Variants in UBOX5 observed in about 807,000 individuals in gnomAD.
The protein encoded by UBOX5 is U-box domain containing 5.
UBOX5 carries 28 observed loss-of-function variants against 39.0 expected under a neutral mutation model. That is an observed-to-expected ratio of 0.72 (90% CI 0.53 to 0.98). The LOEUF (loss-of-function observed/expected upper bound fraction) is 0.98. Ranked by LOEUF, UBOX5 falls within the 50% of genes least tolerant of loss-of-function variation. UBOX5 has a pLI of 0.00. For missense variants in UBOX5, 585 were observed against 674.4 expected (o/e 0.87, Z 1.47); for synonymous variants, 283 against 275.5 (o/e 1.03, Z -0.27).
In UBOX5 at chr20:3,123,378, G is replaced by C. The variant is rs1379482119; in HGVS notation, c.-13C>G. On this transcript the variant is annotated 5_prime_UTR_variant, in exon 2 of 5. Coordinates refer to ENST00000217173, the MANE Select transcript of UBOX5 (RefSeq NM_014948.4). ...GATTTATTACCATCTTTGTGGCTGA[G>C]AGGATATCTTCCAAGCATCAGAAGC... 2 of 1,613,548 alleles carry C rather than the reference G, an allele frequency of 1.2e-6. No individual in the cohort carries two copies.
chr20:3,129,590 A>G (rs1368806650), intron 1 of UBOX5, among the ~76,000 whole-genome samples: 1 of 152,150 alleles, frequency 6.6e-6, no homozygotes, highest in African/African-American at 2.4e-5. Context: ...CAAGCTACTC[A>G]TTGGCACTGT....
Position 3,110,218 on chromosome 20 carries a change from C to T in UBOX5, c.1514G>A (p.Gly505Asp). ...KKEPVYQLPC[G>D]HLLCRPCLGE... ...CAGGCAGGGTCGGCACAGGAGGTGG[C>T]CGCAGGGCAGCTGGTACACCGGCTC... The change falls in exon 5 of 5, where the codon GGC (glycine) becomes GAC (aspartate). Residue 505 changes from glycine to aspartate, a missense_variant. Physicochemically the swap from Gly to Asp is moderately conservative, Grantham distance 94. Coordinates refer to ENST00000217173, the MANE Select transcript of UBOX5 (RefSeq NM_014948.4). 6.2e-7 allele frequency: 1 copy of T among 1,613,992 alleles called. No individual in the cohort carries two copies. The highest frequency in any genetic ancestry group is 8.5e-7 in the Non-Finnish European group (1 of 1,180,016).
chr20:3,115,265 C>T (rs1405796740), intron 4 of UBOX5, 40 bp downstream of exon 4: 2 of 1,574,010 alleles, frequency 1.3e-6, no homozygotes, highest in Non-Finnish European at 8.6e-7. Flanking sequence ...AACAGACCAC[C>T]CATTCCAAGG....
At chr20:3,138,997 G>A (rs1346272800) in intron 1 of UBOX5, among the ~76,000 whole-genome samples, 1 of 152,080 alleles carries the variant, frequency 6.6e-6, no homozygotes, top group Non-Finnish European at 1.5e-5. Flanking sequence ...AAAAGAAGAA[G>A]AAAAGATTAC....
At chr20:3,148,082 G>A in intron 1 of UBOX5, 1 of 1,614,130 alleles carries the variant, frequency 6.2e-7, no homozygotes, top group Non-Finnish European at 8.5e-7. Flanking sequence ...AGAGAGATTA[G>A]TACTTGATTT....
At chr20:3,152,426 T>C (rs1024827829) in intron 1 of UBOX5, among the ~76,000 whole-genome samples, 2 of 151,180 alleles carry the variant, frequency 1.3e-5, no homozygotes, top group African/African-American at 4.9e-5. Flanking sequence ...CACTTGAACC[T>C]GGGAGGCAGA....
At position 3,110,078 on chromosome 20, in the gene UBOX5, T is replaced by C. The variant is rs774564324; in HGVS notation, c.*28A>G. On this transcript the variant is annotated 3_prime_UTR_variant, in exon 5 of 5. Coordinates refer to ENST00000217173, the MANE Select transcript of UBOX5 (RefSeq NM_014948.4). ...GTTCCCCCTCAGCTCCTCCCAGCAA[T>C]GGGTCTCCTCCAGTGGAGGTCAGTC... 3 of 1,607,240 alleles carry C rather than the reference T, an allele frequency of 1.9e-6. No individual in the cohort carries two copies. The Admixed American group carries it at 5.0e-5, about 27-fold the overall frequency.
At chr20:3,145,440 CCTTTT>C (rs1212477794) in intron 1 of UBOX5, among the ~76,000 whole-genome samples, 7 of 142,396 alleles carry the variant, frequency 4.9e-5, no homozygotes, top group South Asian at 2.2e-4. Context: ...GCCTTTTTTT[CCTTTT>C]TTTTTTTTTT....
Position 3,130,130 on chromosome 20 carries a change from G to A in UBOX5, c.-41-6724C>T, listed in dbSNP as rs116059302. Among the ~76,000 whole-genome samples, 300 of 152,036 alleles carry A rather than the reference G, an allele frequency of 2.0e-3. 2 individuals carry two copies. The highest frequency in any genetic ancestry group is 6.9e-3 in the African/African-American group (287 of 41,468). ...TGTCCGTAGTCCCAGCTACTCAGGA[G>A]TATGGCTTGACCCCAGGAGTTTGAG... On this transcript the variant is annotated intron_variant, in intron 1 of 4. Transcript: ENST00000217173.
At chr20:3,132,868 T>C (rs1013928883) in intron 1 of UBOX5, among the ~76,000 whole-genome samples, 1 of 150,214 alleles carries the variant, frequency 6.7e-6, no homozygotes, top group South Asian at 2.1e-4. Context: ...CACCTATAAA[T>C]TCCAGCACTT....
rs567102234 is a variant in UBOX5 at position 3,109,963 on chromosome 20, G to A, written c.*143C>T. The A allele has an allele frequency of 1.9e-4, 171 of 909,566 alleles. No homozygotes were observed. The highest frequency in any genetic ancestry group is 2.7e-4 in the Non-Finnish European group (160 of 592,016). 56.3% of individuals were successfully genotyped at this position (909,566 alleles called of 1,614,324 possible). On this transcript the variant is annotated 3_prime_UTR_variant, in exon 5 of 5. Transcript: ENST00000217173. ...CAGCGCAGAAGCAATGTGCTATACC[G>A]TGAGGTGATGAAGAAGAGCCCCGGG...
chr20:3,141,913 T>A (rs1296213758), intron 1 of UBOX5, among the ~76,000 whole-genome samples: 1 of 152,080 alleles, frequency 6.6e-6, no homozygotes, highest in Non-Finnish European at 1.5e-5. Flanking sequence ...CTTGGAAGGC[T>A]GAGGCAGGAG....
intron 1 of UBOX5, chr20:3,147,257 C>G (rs777941979): frequency 6.2e-6 from 10 of 1,614,208 alleles, no homozygotes; most frequent in Non-Finnish European, 8.5e-6. Context: ...CGTGGCTTCT[C>G]TATTAAATGG....
intron 4 of UBOX5, among the ~76,000 whole-genome samples, chr20:3,114,993 CT>C (rs796800936): frequency 1.2e-4 from 18 of 152,152 alleles, no homozygotes; most frequent in African/African-American, 4.1e-4. Context: ...AACAAAAATC[CT>C]CAGGAGAAAA....
chr20:3,122,251 C>T lies in UBOX5; in HGVS notation c.388G>A (p.Val130Met), dbSNP rs1600372912. The T allele has an allele frequency of 3.1e-6, 5 of 1,614,252 alleles. No individual in the cohort carries two copies. In the East Asian group the frequency reaches 6.7e-5, roughly 22 times the overall value. Residue 130 changes from valine to methionine, a missense_variant, in exon 3 of 5, where the codon GTG becomes ATG. Transcript: ENST00000217173. ...GCCTTGAAGCCCCTGTGGCTAAACA[C>T]CACTTGGCTCTGGTTTTTCAGTAAG... ...KVLLKNQSQVVFSHRGFKARP... is the reference protein window; with the variant it reads ...KVLLKNQSQVMFSHRGFKARP...
intron 1 of UBOX5, among the ~76,000 whole-genome samples, chr20:3,153,450 T>C (rs1247876034): frequency 6.6e-6 from 1 of 152,246 alleles, no homozygotes; most frequent in Non-Finnish European, 1.5e-5. Context: ...CCCATATTAC[T>C]GATGAGAAAG....
chr20:3,159,550 A>G (rs1346844558), intron 1 of UBOX5, among the ~76,000 whole-genome samples: 1 of 152,238 alleles, frequency 6.6e-6, no homozygotes, highest in Admixed American at 6.5e-5. Flanking sequence ...CCCCCTGCCA[A>G]AGATCACAAA....
At chr20:3,157,110 G>A (rs1485970756) in intron 1 of UBOX5, among the ~76,000 whole-genome samples, 1 of 151,790 alleles carries the variant, frequency 6.6e-6, no homozygotes, top group Admixed American at 6.6e-5. Context: ...AAAAAAAAGG[G>A]CAAAAAAACC....
At chr20:3,148,772 C>A in intron 1 of UBOX5, 1 of 1,614,242 alleles carries the variant, frequency 6.2e-7, no homozygotes, top group South Asian at 1.1e-5. Context: ...TTCATCAACT[C>A]CTGTGGCCCT....
Sources: allele counts gnomAD v4.1 joint callset (sites outside exome capture counted in the v4.1 genomes callset), GRCh38; gene constraint gnomAD v4.1.1; transcripts MANE v1.5; gene names NCBI Gene and HGNC (gene_info 2026-07-23, HGNC 2026-07-21).